The following PTK2B variants were observed in gnomAD, a reference collection of about 807,000 sequenced individuals.
PTK2B encodes protein tyrosine kinase 2 beta.
Under a neutral mutation model 142.9 loss-of-function variants are expected in PTK2B, and 71 were observed. The ratio of observed to expected loss-of-function variants is 0.50; its 90% CI spans 0.41 to 0.61. The LOEUF (loss-of-function observed/expected upper bound fraction) is 0.61, where lower values mean the gene tolerates loss of function less well. Among genes scored for constraint, PTK2B ranks in the 20% least tolerant of loss-of-function variants. The pLI is 0.00. For synonymous variants in PTK2B, 519 were observed against 503.4 expected, an observed-to-expected ratio of 1.03 and a Z score of -0.42; for missense variants, 1,105 against 1,320.4, an observed-to-expected ratio of 0.84 and a Z score of 2.53.
chr8:27,323,065 A>G (rs1215707364), upstream of PTK2B, among the ~76,000 whole-genome samples: 5 of 152,208 alleles, frequency 3.3e-5, no homozygotes, highest in South Asian at 6.2e-4. Context: ...CACCAGCTCA[A>G]CCACCTTTGT....
intron 3 of PTK2B, 116 bp from the exon 4 acceptor site, chr8:27,420,541 T>C (rs1271178679): frequency 2.1e-6 from 2 of 965,156 alleles, no homozygotes; most frequent in East Asian, 2.4e-5. Context: ...ACGAGACTCA[T>C]GGGCAGCCCT....
At chr8:27,385,596 A>G (rs1428637656) in intron 1 of PTK2B, among the ~76,000 whole-genome samples, 1 of 152,196 alleles carries the variant, frequency 6.6e-6, no homozygotes, top group Non-Finnish European at 1.5e-5. Flanking sequence ...AGTACAGAAA[A>G]TAAAACTGTA....
In PTK2B at chr8:27,370,321, C is replaced by T. The variant is rs148400062; in HGVS notation, c.-37-27227C>T. Among the ~76,000 whole-genome samples the T allele has an allele frequency of 3.5e-3, 533 of 152,262 alleles. 1 individual carries two copies. The highest frequency in any genetic ancestry group is 0.012 in the African/African-American group (500 of 41,538). On this transcript the variant is annotated intron_variant, in intron 1 of 30. Coordinates refer to ENST00000346049, the MANE Select transcript of PTK2B (RefSeq NM_173176.3). ...GAACAGGGCAATCAGAGATGCTTTC[C>T]GGATACCAGAGGGTGGGAAGGTTTA...
At chr8:27,430,496 G>GA in intron 7 of PTK2B, 78 bp downstream of exon 7, 1 of 1,573,928 alleles carries the variant, frequency 6.4e-7, no homozygotes. Flanking sequence ...TGGGGCTGGG[G>GA]ATACTCAGAG....
chr8:27,370,878 G>A (rs1003585602), intron 1 of PTK2B, among the ~76,000 whole-genome samples: 8 of 152,126 alleles, frequency 5.3e-5, no homozygotes, highest in African/African-American at 9.7e-5. Flanking sequence ...GAAAACTGTG[G>A]TGAGACTCTC....
At chr8:27,450,641 C>T in intron 24 of PTK2B, 108 bp from the exon 25 acceptor site, 3 of 1,387,520 alleles carry the variant, frequency 2.2e-6, no homozygotes, top group African/African-American at 1.4e-5. Context: ...AAGCAGCTGG[C>T]CAGGCCAAGG....
At chr8:27,389,111 G>A (rs1432386194) in intron 1 of PTK2B, among the ~76,000 whole-genome samples, 1 of 152,074 alleles carries the variant, frequency 6.6e-6, no homozygotes, top group Non-Finnish European at 1.5e-5. Context: ...AGCAGGCTGT[G>A]GCTGTTTTTG....
chr8:27,458,934 C>T lies in PTK2B; in HGVS notation c.*425C>T, dbSNP rs950841278. The T allele has an allele frequency of 3.1e-6, 1 of 318,270 alleles. No individual in the cohort carries two copies. The highest frequency in any genetic ancestry group is 5.9e-6 in the Non-Finnish European group (1 of 169,066). 19.7% of individuals were successfully genotyped at this position (318,270 alleles called of 1,614,324 possible). On this transcript the variant is annotated 3_prime_UTR_variant, in exon 31 of 31. Coordinates refer to ENST00000346049, the MANE Select transcript of PTK2B (RefSeq NM_173176.3). The stretch of plus-strand genomic sequence containing the variant: ...AGATGTCCCTTGATGCACAGAGAAG[C>T]TGGGGAGGAGCTTTGTTTTGGGGGT...
In PTK2B at chr8:27,440,366, A is replaced by T. The variant is rs1811082737; in HGVS notation, c.1964A>T (p.Tyr655Phe). Residue 655 changes from tyrosine (Y) to phenylalanine (F), a missense_variant, in exon 21 of 31, where the codon TAT (tyrosine) becomes TTT (phenylalanine). By Grantham distance (22) the Tyr-to-Phe change is conservative. Transcript: ENST00000346049. The stretch of plus-strand genomic sequence containing the variant: ...CCTGATCTCTGTCCACCGGTCCTTT[A>T]TACCCTCATGACCCGCTGCTGGGAC... ...PKPDLCPPVL[Y>F]TLMTRCWDYD... 2 of 1,614,168 alleles carry T rather than the reference A, an allele frequency of 1.2e-6. No homozygotes were observed. Among genetic ancestry groups the T allele is most frequent in the Non-Finnish European group, 1.7e-6 (2 of 1,180,028 alleles).
chr8:27,397,902 G>A, intron 2 of PTK2B, 114 bp downstream of exon 2: 8 of 1,256,862 alleles, frequency 6.4e-6, no homozygotes, highest in African/African-American at 1.5e-5. Context: ...CTGGGTGGAA[G>A]AGGTGAGGTG....
chr8:27,372,336 A>G (rs1806409343), intron 1 of PTK2B, among the ~76,000 whole-genome samples: 1 of 152,218 alleles, frequency 6.6e-6, no homozygotes. Context: ...GCTAGTCCCA[A>G]GATCTGCAGT....
chr8:27,448,469 TTGAG>T (rs1435489853), intron 24 of PTK2B, among the ~76,000 whole-genome samples: 2 of 152,238 alleles, frequency 1.3e-5, no homozygotes, highest in Non-Finnish European at 2.9e-5. Flanking sequence ...ATTTTTCTCC[TTGAG>T]TTTTATTATG....
At chr8:27,356,518 C>T (rs886866177) in intron 1 of PTK2B, among the ~76,000 whole-genome samples, 1 of 152,088 alleles carries the variant, frequency 6.6e-6, no homozygotes, top group African/African-American at 2.4e-5. Flanking sequence ...ATTCTGAAGG[C>T]TCTGATGAAC....
chr8:27,423,343 C>T (rs3779634), intron 5 of PTK2B, among the ~76,000 whole-genome samples: 64,837 of 151,894 alleles, frequency 0.43, 14,296 homozygotes, highest in South Asian at 0.53. Context: ...CTTCCCTTCT[C>T]TCTACCCCTT....
intron 1 of PTK2B, among the ~76,000 whole-genome samples, chr8:27,394,803 A>G (rs1807941059): frequency 6.6e-6 from 1 of 152,074 alleles, no homozygotes; most frequent in African/African-American, 2.4e-5. Flanking sequence ...CTTATTCTAT[A>G]AGCTTTCCAT....
At chr8:27,340,609 A>C (rs1804340258) in intron 1 of PTK2B, among the ~76,000 whole-genome samples, 1 of 152,250 alleles carries the variant, frequency 6.6e-6, no homozygotes. Context: ...TTAAGCAGGG[A>C]AGAGAGTCAG....
chr8:27,444,127 T>C, intron 22 of PTK2B, 79 bp from the exon 23 acceptor site: 1 of 1,442,784 alleles, frequency 6.9e-7, no homozygotes, highest in South Asian at 1.2e-5. Flanking sequence ...GAGGTGTCTT[T>C]GACCTGATGT....
intron 1 of PTK2B, among the ~76,000 whole-genome samples, chr8:27,331,184 A>G (rs928961842): frequency 1.3e-5 from 2 of 152,154 alleles, no homozygotes; most frequent in African/African-American, 2.4e-5. Context: ...CTTCCTTTAA[A>G]TTGGACCAAT....
intron 1 of PTK2B, among the ~76,000 whole-genome samples, chr8:27,340,978 G>A (rs917872085): frequency 1.1e-4 from 17 of 152,224 alleles, no homozygotes; most frequent in African/African-American, 3.9e-4. Context: ...AGCAAGAGGT[G>A]CAGTGGGAGA....
Sources: gnomAD v4.1 joint callset for allele counts (sites outside exome capture counted in the v4.1 genomes callset) on GRCh38, gnomAD v4.1.1 for gene constraint, MANE v1.5 for transcripts, NCBI Gene and HGNC (gene_info 2026-07-23, HGNC 2026-07-21) for gene names.